The following ASTN1 variants were observed in gnomAD, a reference collection of about 807,000 sequenced individuals.
ASTN1 encodes astrotactin-1.
A neutral mutation model predicts 140.7 loss-of-function variants in ASTN1; 41 were observed. That is an observed-to-expected ratio of 0.29 (90% CI 0.23 to 0.38). The LOEUF is 0.38. Among genes scored for constraint, ASTN1 ranks in the 10% least tolerant of loss-of-function variants. The pLI, the probability that ASTN1 is intolerant of heterozygous loss-of-function variation, is 1.00. For missense variants in ASTN1, 1,479 were observed against 1,678.8 expected (o/e 0.88, Z 2.08); for synonymous variants, 640 against 652.2 (o/e 0.98, Z 0.29).
intron 16 of ASTN1, among the ~76,000 whole-genome samples, chr1:176,906,572 C>A (rs1490979885): frequency 6.6e-6 from 1 of 152,040 alleles, no homozygotes; most frequent in Non-Finnish European, 1.5e-5. Context: ...ATCTACTTTG[C>A]GATGGGCCTC....
chr1:176,861,606 T>A lies in ASTN1; in HGVS notation c.*2678A>T. On this transcript the variant is annotated 3_prime_UTR_variant, in exon 23 of 23. Coordinates refer to ENST00000361833, the MANE Select transcript of ASTN1 (RefSeq NM_004319.3). ...GTACAACCATCCTAAGATTTTCCCC[T>A]GCCCTGTTCATATCAGCCTTTTTAA... 1.3e-5 allele frequency: 13 copies of A among 985,588 alleles called. No individual in the cohort carries two copies. The highest frequency in any genetic ancestry group is 1.4e-5 in the Non-Finnish European group (12 of 829,966). 61.1% of individuals were successfully genotyped at this position (985,588 alleles called of 1,614,324 possible).
chr1:176,878,238 TCAGAC>T (rs111792792), intron 20 of ASTN1, among the ~76,000 whole-genome samples: 55 of 152,318 alleles, frequency 3.6e-4, no homozygotes, highest in African/African-American at 1.2e-3. Flanking sequence ...CTCCTTGCTG[TCAGAC>T]CAGGACCAAG....
chr1:177,127,504 T>C lies in ASTN1; in HGVS notation c.283+36890A>G, dbSNP rs536681533. 2.8e-4 allele frequency among the ~76,000 whole-genome samples: 43 copies of C among 152,248 alleles called. No homozygotes were observed. The East Asian group carries it at 8.1e-3, about 29-fold the overall frequency. On this transcript the variant is annotated intron_variant, in intron 1 of 22. Coordinates refer to ENST00000361833, the MANE Select transcript of ASTN1 (RefSeq NM_004319.3). Reference sequence around the variant, plus strand: ...GCTACCATACACCTCACCCACCACGTCCATTGGGGTCTGAAGCCCAAGGCT... The same window carrying C: ...GCTACCATACACCTCACCCACCACGCCCATTGGGGTCTGAAGCCCAAGGCT...
chr1:177,030,897 G>A lies in ASTN1; in HGVS notation c.921C>T (p.Ala307=), dbSNP rs909459012. The A allele has an allele frequency of 6.2e-7, 1 of 1,614,136 alleles. No individual in the cohort carries two copies. The highest frequency in any genetic ancestry group is 2.2e-5 in the East Asian group (1 of 44,876). ...LMNKYKDNII[A]TSPVDSNHQQ... ...GGTGGTTGGAGTCCACAGGGCTAGT[G>A]GCTATAATATTATCTTTATACTTGT... Residue 307 remains alanine (A), a synonymous_variant, in exon 4 of 23, where the codon GCC becomes GCT. Coordinates refer to ENST00000361833, the MANE Select transcript of ASTN1 (RefSeq NM_004319.3).
intron 2 of ASTN1, among the ~76,000 whole-genome samples, chr1:177,036,646 C>T (rs908150683): frequency 5.9e-5 from 9 of 152,024 alleles, no homozygotes; most frequent in Non-Finnish European, 1.2e-4. Flanking sequence ...AAATGCTCTA[C>T]CTGCTTGAGC....
chr1:176,894,732 G>A lies in ASTN1; in HGVS notation c.2770C>T (p.His924Tyr), dbSNP rs759502995. 25 of 1,614,144 alleles carry A rather than the reference G, an allele frequency of 1.5e-5. No individual in the cohort carries two copies. Among genetic ancestry groups the A allele is most frequent in the Non-Finnish European group, 2.0e-5 (24 of 1,180,030 alleles). ...TCCATGCGGACTCCAGCCGCCATGT[G>A]CTTGGTGCCGGAGTCTGACAAGCTG... ...ITSLSDSGTK[H>Y]MAAGVRMECH... The change falls in exon 17 of 23, where the codon CAC becomes TAC. Residue 924 changes from histidine to tyrosine, a missense_variant. Physicochemically the swap from His to Tyr is moderately conservative, Grantham distance 83 (BLOSUM62 2). Coordinates refer to ENST00000361833, the MANE Select transcript of ASTN1 (RefSeq NM_004319.3).
At chr1:176,995,543 C>T (rs191022305) in intron 8 of ASTN1, among the ~76,000 whole-genome samples, 8 of 152,184 alleles carry the variant, frequency 5.3e-5, no homozygotes, top group East Asian at 1.9e-4. Flanking sequence ...TAGGATAGCA[C>T]GGCACACACA....
At chr1:177,093,060 C>T (rs1239753753) in intron 1 of ASTN1, among the ~76,000 whole-genome samples, 1 of 152,190 alleles carries the variant, frequency 6.6e-6, no homozygotes, top group Non-Finnish European at 1.5e-5. Context: ...TCCATGAAGT[C>T]AGGGGCTTCA....
chr1:177,110,656 A>T (rs993768799), intron 1 of ASTN1, among the ~76,000 whole-genome samples: 4 of 152,194 alleles, frequency 2.6e-5, no homozygotes, highest in African/African-American at 9.6e-5. Context: ...TTCATTCACA[A>T]TGACCCAGGA....
intron 8 of ASTN1, among the ~76,000 whole-genome samples, chr1:176,966,414 A>C (rs905534919): frequency 4.6e-5 from 7 of 152,330 alleles, no homozygotes; most frequent in African/African-American, 1.7e-4. Flanking sequence ...TGCTCAGGAC[A>C]GTTCTGCAGA....
chr1:177,017,420 C>T (rs191386314), intron 7 of ASTN1, among the ~76,000 whole-genome samples: 11 of 152,316 alleles, frequency 7.2e-5, no homozygotes, highest in Non-Finnish European at 1.5e-4. Context: ...CCATCTCCAA[C>T]GAAAGGATTT....
At chr1:176,940,342 CAA>C (rs1044772424) in intron 14 of ASTN1, among the ~76,000 whole-genome samples, 1 of 152,046 alleles carries the variant, frequency 6.6e-6, no homozygotes, top group African/African-American at 2.4e-5. Context: ...CCCAAGAAGC[CAA>C]AAAATAACCA....
intron 21 of ASTN1, among the ~76,000 whole-genome samples, chr1:176,874,796 C>T (rs1668495096): frequency 1.3e-5 from 2 of 152,074 alleles, no homozygotes; most frequent in Admixed American, 1.3e-4. Context: ...AGGGTACTAT[C>T]TCCCTCATCC....
chr1:177,049,046 C>T (rs187412023), intron 2 of ASTN1, among the ~76,000 whole-genome samples: 5 of 152,258 alleles, frequency 3.3e-5, no homozygotes, highest in African/African-American at 9.6e-5. Context: ...ACCTCATACT[C>T]GTAAATGGAA....
intron 2 of ASTN1, among the ~76,000 whole-genome samples, chr1:177,059,621 A>G (rs1156659379): frequency 1.3e-5 from 2 of 152,190 alleles, no homozygotes; most frequent in Non-Finnish European, 2.9e-5. Flanking sequence ...CAGGTAACCT[A>G]TCAAGCCAGT....
chr1:177,051,143 C>G (rs547546090), intron 2 of ASTN1, among the ~76,000 whole-genome samples: 33 of 152,358 alleles, frequency 2.2e-4, no homozygotes, highest in African/African-American at 7.7e-4. Context: ...CTAGCAAGAA[C>G]AATTTTTGTC....
At chr1:177,002,046 T>TGAACAACTA (rs1283449171) in intron 8 of ASTN1, among the ~76,000 whole-genome samples, 2 of 152,174 alleles carry the variant, frequency 1.3e-5, no homozygotes. Flanking sequence ...CTTAGGGCCT[T>TGAACAACTA]GAACAACTAT....
intron 16 of ASTN1, among the ~76,000 whole-genome samples, chr1:176,912,180 C>A (rs548493395): frequency 6.6e-6 from 1 of 152,174 alleles, no homozygotes; most frequent in Admixed American, 6.5e-5. Flanking sequence ...TCTTTAATAA[C>A]AAGAGCTACC....
At chr1:177,136,727 C>G (rs989749393) in intron 1 of ASTN1, among the ~76,000 whole-genome samples, 2 of 152,178 alleles carry the variant, frequency 1.3e-5, no homozygotes, top group Admixed American at 6.5e-5. Context: ...TAAATTCTAT[C>G]ACTGAGCCAT....
Sources: allele counts gnomAD v4.1 joint callset (sites outside exome capture counted in the v4.1 genomes callset), GRCh38; gene constraint gnomAD v4.1.1; transcripts MANE v1.5; gene names NCBI Gene and HGNC (gene_info 2026-07-23, HGNC 2026-07-21).